Variants in RAPGEF4 observed in about 807,000 individuals in gnomAD.
The protein encoded by RAPGEF4 is RAP guanine-nucleotide-exchange factor (GEF) 4.
Under a neutral mutation model 147.9 loss-of-function variants are expected in RAPGEF4, and 66 were observed. The ratio of observed to expected loss-of-function variants is 0.45; its 90% CI spans 0.37 to 0.55. RAPGEF4 has a LOEUF of 0.55. RAPGEF4 is among the 20% of genes least tolerant of loss of function. The probability of loss-of-function intolerance (pLI) is 0.00; values close to 1 mark genes in which losing one functional copy is unlikely to be tolerated. For missense variants in RAPGEF4, 1,071 were observed against 1,257.3 expected (o/e 0.85, Z 2.24); for synonymous variants, 419 against 442.7 (o/e 0.95, Z 0.67).
At chr2:172,912,542 A>C (rs1041374371) in intron 4 of RAPGEF4, among the ~76,000 whole-genome samples, 18 of 152,322 alleles carry the variant, frequency 1.2e-4, no homozygotes, top group African/African-American at 4.3e-4. Flanking sequence ...GATCTTTGTC[A>C]TGAGGCCCTT....
At chr2:172,766,127 A>T (rs995758081) in intron 1 of RAPGEF4, among the ~76,000 whole-genome samples, 39 of 151,302 alleles carry the variant, frequency 2.6e-4, no homozygotes, top group African/African-American at 9.0e-4. Flanking sequence ...ATGATATCTT[A>T]TTTTTTTTTA....
chr2:173,023,196 T>G (rs1190263995), intron 23 of RAPGEF4, among the ~76,000 whole-genome samples: 1 of 152,176 alleles, frequency 6.6e-6, no homozygotes, highest in East Asian at 1.9e-4. Context: ...TCACTGACAA[T>G]CCACACATCC....
intron 4 of RAPGEF4, among the ~76,000 whole-genome samples, chr2:172,883,098 G>GT (rs1696800666): frequency 7.5e-6 from 1 of 133,596 alleles, no homozygotes; most frequent in South Asian, 2.8e-4. Flanking sequence ...TTTAATATGT[G>GT]TTAAAAAAAA....
intron 6 of RAPGEF4, among the ~76,000 whole-genome samples, chr2:172,938,595 G>A (rs1430895389): frequency 6.6e-6 from 1 of 152,074 alleles, no homozygotes; most frequent in Non-Finnish European, 1.5e-5. Context: ...CACTCCCTTC[G>A]TTGAAGTTAT....
intron 29 of RAPGEF4, among the ~76,000 whole-genome samples, chr2:173,037,718 C>T (rs1030931338): frequency 3.3e-5 from 5 of 152,002 alleles, no homozygotes; most frequent in African/African-American, 1.2e-4. Flanking sequence ...GTGAGAAAAG[C>T]CGGGGACCTG....
At chr2:172,976,255 C>T (rs1691053692) in intron 10 of RAPGEF4, among the ~76,000 whole-genome samples, 1 of 152,060 alleles carries the variant, frequency 6.6e-6, no homozygotes, top group South Asian at 2.1e-4. Flanking sequence ...CTGGGTAGGA[C>T]ACTTTAAATG....
At chr2:172,766,320 G>A (rs1696835465) in intron 1 of RAPGEF4, among the ~76,000 whole-genome samples, 1 of 152,178 alleles carries the variant, frequency 6.6e-6, no homozygotes, top group Non-Finnish European at 1.5e-5. Flanking sequence ...GGGAGGCCAA[G>A]ACGGGCACAT....
chr2:172,965,065 T>G (rs375363581), intron 8 of RAPGEF4: 5 of 155,934 alleles, frequency 3.2e-5, no homozygotes, highest in African/African-American at 1.2e-4. Flanking sequence ...AGATCAGTAG[T>G]ATTACTTGAA....
At chr2:173,009,909 C>A (rs1427875727) in intron 17 of RAPGEF4, among the ~76,000 whole-genome samples, 1 of 152,114 alleles carries the variant, frequency 6.6e-6, no homozygotes, top group Non-Finnish European at 1.5e-5. Context: ...TTCCTATTTC[C>A]CAACAAACTT....
intron 19 of RAPGEF4, among the ~76,000 whole-genome samples, chr2:173,016,726 G>C (rs1261409306): frequency 6.6e-6 from 1 of 152,188 alleles, no homozygotes; most frequent in Non-Finnish European, 1.5e-5. Context: ...TCAAGGCAGT[G>C]AATCTGGCAA....
chr2:172,901,910 G>A (rs957852383), intron 4 of RAPGEF4, among the ~76,000 whole-genome samples: 5 of 152,180 alleles, frequency 3.3e-5, no homozygotes, highest in African/African-American at 1.2e-4. Flanking sequence ...TCCACACTCA[G>A]ATGCGGGGCA....
At chr2:173,020,300 G>A (rs996192987) in intron 22 of RAPGEF4, among the ~76,000 whole-genome samples, 2 of 131,356 alleles carry the variant, frequency 1.5e-5, no homozygotes, top group Admixed American at 1.7e-4. Flanking sequence ...TTACCATCTG[G>A]AAACATAACT....
chr2:173,043,971 C>T (rs1161735646), intron 29 of RAPGEF4, among the ~76,000 whole-genome samples: 1 of 152,176 alleles, frequency 6.6e-6, no homozygotes, highest in Non-Finnish European at 1.5e-5. Flanking sequence ...GAGTTCTTGG[C>T]TTTCCTAAGG....
intron 1 of RAPGEF4, among the ~76,000 whole-genome samples, chr2:172,785,770 G>A (rs764904282): frequency 3.3e-5 from 5 of 152,024 alleles, no homozygotes; most frequent in Non-Finnish European, 5.9e-5. Flanking sequence ...TTATGGGAAG[G>A]CACTGGGCAG....
At chr2:173,011,170 G>GCACACACACACACACACA (rs1553548086) in intron 17 of RAPGEF4, among the ~76,000 whole-genome samples, 6 of 133,500 alleles carry the variant, frequency 4.5e-5, no homozygotes, top group African/African-American at 1.7e-4. Flanking sequence ...GCGCGCGCGC[G>GCACACACACACACACACA]CACACACACA....
intron 1 of RAPGEF4, among the ~76,000 whole-genome samples, chr2:172,791,896 A>G (rs1323170047): frequency 1.3e-5 from 2 of 152,182 alleles, no homozygotes; most frequent in African/African-American, 4.8e-5. Flanking sequence ...AATGTGGGAG[A>G]TGCTCTGGTG....
At chr2:172,828,153 G>A (rs542647337) in intron 4 of RAPGEF4, among the ~76,000 whole-genome samples, 2 of 152,284 alleles carry the variant, frequency 1.3e-5, no homozygotes, top group East Asian at 3.9e-4. Context: ...AAATATTAAA[G>A]TGAGATAAAA....
chr2:172,936,265 G>T (rs1465843269), intron 6 of RAPGEF4, among the ~76,000 whole-genome samples: 1 of 152,060 alleles, frequency 6.6e-6, no homozygotes, highest in African/African-American at 2.4e-5. Flanking sequence ...TACTCTGAAG[G>T]CTGAGGCAGA....
In RAPGEF4 at chr2:173,027,266, A is replaced by G. The variant is rs768972135; in HGVS notation, c.2558+7A>G. On this transcript the variant is annotated splice_region_variant and intron_variant, in intron 25 of 30. Coordinates refer to ENST00000397081, the MANE Select transcript of RAPGEF4 (RefSeq NM_007023.4). ...TTATTAAGATAGCAGCCCAGTAAGT[A>G]TATTTAGCTTGGAAAGAGAAAAAAA... The G allele has an allele frequency of 7.7e-6, 12 of 1,565,278 alleles. No individual in the cohort carries two copies. The South Asian group carries it at 1.4e-4, about 19-fold the overall frequency.
Sources: gnomAD v4.1 joint callset for allele counts (sites outside exome capture counted in the v4.1 genomes callset) on GRCh38, gnomAD v4.1.1 for gene constraint, MANE v1.5 for transcripts, NCBI Gene and HGNC (gene_info 2026-07-23, HGNC 2026-07-21) for gene names.